The following COL22A1 variants were observed in gnomAD, a reference collection of about 807,000 sequenced individuals.
COL22A1 encodes the protein collagen type XXII alpha 1 chain.
A neutral mutation model predicts 248.9 loss-of-function variants in COL22A1; 221 were observed. The observed-to-expected ratio is 0.89, with a 90% CI of 0.80 to 0.99. COL22A1 has a LOEUF of 0.99. COL22A1 is among the 50% of genes least tolerant of loss of function. The pLI, the probability that COL22A1 is intolerant of heterozygous loss-of-function variation, is 0.00. For synonymous variants in COL22A1, 891 were observed against 793.4 expected, an observed-to-expected ratio of 1.12 and a Z score of -2.07; for missense variants, 2,240 against 2,179.0, an observed-to-expected ratio of 1.03 and a Z score of -0.56.
At chr8:138,709,847 C>T (rs1828802967) in intron 30 of COL22A1, among the ~76,000 whole-genome samples, 1 of 152,132 alleles carries the variant, frequency 6.6e-6, no homozygotes, top group South Asian at 2.1e-4. Flanking sequence ...ATGTGGTTTT[C>T]CTCTGATTGC....
rs575065122 is a variant in COL22A1, at chr8:138,674,755, G to A, written c.3150+1803C>T. ...GATGGGGGTGCCTCATTCAGGTTAC[G>A]GGTCTGCAGTTTCACTTACAACCCT... On this transcript the variant is annotated intron_variant, in intron 41 of 64. Transcript: ENST00000303045. Among the ~76,000 whole-genome samples the A allele has an allele frequency of 3.9e-5, 6 of 152,236 alleles. No individual in the cohort carries two copies. In the South Asian group the frequency reaches 1.0e-3, roughly 26 times the overall value.
intron 47 of COL22A1, among the ~76,000 whole-genome samples, chr8:138,637,159 G>C (rs995627944): frequency 6.6e-6 from 1 of 152,154 alleles, no homozygotes; most frequent in Non-Finnish European, 1.5e-5. Context: ...TTCTAGCTGT[G>C]GGTATAGTGT....
chr8:138,862,150 G>A (rs1822533750), intron 3 of COL22A1, among the ~76,000 whole-genome samples: 1 of 151,926 alleles, frequency 6.6e-6, no homozygotes, highest in South Asian at 2.1e-4. Context: ...CCCAGGAGGT[G>A]AAGGTTGCAG....
chr8:138,736,389 G>T (rs901423835), intron 23 of COL22A1, among the ~76,000 whole-genome samples: 1 of 152,034 alleles, frequency 6.6e-6, no homozygotes, highest in Non-Finnish European at 1.5e-5. Context: ...GTGGTACCCT[G>T]TGGGGGACCC....
chr8:138,691,731 AGT>A (rs1431663631), intron 35 of COL22A1, among the ~76,000 whole-genome samples: 4 of 42,036 alleles, frequency 9.5e-5, no homozygotes, highest in African/African-American at 3.6e-4. Context: ...TGTACATGTG[AGT>A]GTGCATGTTT....
chr8:138,690,717 A>T lies in COL22A1; in HGVS notation c.2808+104T>A, dbSNP rs1826775921. On this transcript the variant is annotated intron_variant, in intron 36 of 64. Coordinates refer to ENST00000303045, the MANE Select transcript of COL22A1 (RefSeq NM_152888.3). ...CTCCGTCTGGAAAATGGGAGTAAGG[A>T]TCCTCCCCTTACTCCCATGTATCCT... The T allele has an allele frequency of 2.4e-6, 2 of 838,368 alleles. 1 individual carries two copies. Among genetic ancestry groups the T allele is most frequent in the Middle Eastern group, 5.0e-4 (2 of 4,016 alleles). 51.9% of individuals were successfully genotyped at this position (838,368 alleles called of 1,614,324 possible).
chr8:138,824,431 C>T (rs534263426), intron 6 of COL22A1, among the ~76,000 whole-genome samples: 25 of 152,284 alleles, frequency 1.6e-4, no homozygotes, highest in African/African-American at 6.0e-4. Context: ...TCTATTACTG[C>T]CGGCATCCAC....
At chr8:138,601,324 A>G (rs188593912) in intron 60 of COL22A1, among the ~76,000 whole-genome samples, 479 of 152,214 alleles carry the variant, frequency 3.1e-3, no homozygotes, top group Non-Finnish European at 4.4e-3. Flanking sequence ...CTCTGCCCCC[A>G]CTTTTCTCAC....
intron 1 of COL22A1, among the ~76,000 whole-genome samples, chr8:138,889,569 G>C (rs1256807263): frequency 1.3e-5 from 2 of 152,096 alleles, no homozygotes; most frequent in Admixed American, 6.6e-5. Context: ...GTTGTGGGGT[G>C]GGGGGAGTGG....
intron 50 of COL22A1, among the ~76,000 whole-genome samples, chr8:138,630,183 C>T (rs1178251600): frequency 1.3e-5 from 2 of 152,162 alleles, no homozygotes; most frequent in Non-Finnish European, 2.9e-5. Context: ...GAGATAAAAG[C>T]CTTCGGTTCA....
intron 58 of COL22A1, among the ~76,000 whole-genome samples, chr8:138,605,286 G>A (rs1442797890): frequency 6.6e-6 from 1 of 152,208 alleles, no homozygotes; most frequent in Non-Finnish European, 1.5e-5. Flanking sequence ...AGGTGTCAAT[G>A]TGTTAGTTCT....
intron 22 of COL22A1, among the ~76,000 whole-genome samples, chr8:138,744,536 G>A (rs1051490631): frequency 3.3e-5 from 5 of 152,028 alleles, no homozygotes; most frequent in African/African-American, 1.2e-4. Context: ...AAAGAGGGTG[G>A]AGAATTCAGA....
In COL22A1 at chr8:138,660,493, G is replaced by A; in HGVS notation, c.3241-13C>T. 1 of 1,613,172 alleles carries A rather than the reference G, an allele frequency of 6.2e-7. No homozygotes were observed. Among genetic ancestry groups the A allele is most frequent in the South Asian group, 1.1e-5 (1 of 91,054 alleles). ...TTCCTGGTGCACCCTAAGAGAAGAA[G>A]GAAATAAAACATTAACTGTGATAAG... On this transcript the variant is annotated splice_polypyrimidine_tract_variant and intron_variant, in intron 43 of 64. Transcript: ENST00000303045.
chr8:138,835,713 G>A (rs562651173), intron 4 of COL22A1, among the ~76,000 whole-genome samples: 8 of 152,326 alleles, frequency 5.3e-5, no homozygotes, highest in Non-Finnish European at 8.8e-5. Flanking sequence ...CACCCAGCAC[G>A]TGGACCAGAT....
chr8:138,618,582 G>T (rs1392251268), intron 53 of COL22A1, among the ~76,000 whole-genome samples: 1 of 152,062 alleles, frequency 6.6e-6, no homozygotes, highest in Non-Finnish European at 1.5e-5. Context: ...GAAAAACAAG[G>T]GGATTTAAGA....
At chr8:138,730,817 A>T (rs115746849) in intron 23 of COL22A1, among the ~76,000 whole-genome samples, 1,636 of 151,796 alleles carry the variant, frequency 0.011, 16 homozygotes, top group African/African-American at 0.031. Flanking sequence ...GGGCCTGAAC[A>T]GAGGGGAGTG....
At chr8:138,699,748 C>T (rs991872558) in intron 32 of COL22A1, among the ~76,000 whole-genome samples, 7 of 152,196 alleles carry the variant, frequency 4.6e-5, no homozygotes, top group South Asian at 2.1e-4. Flanking sequence ...CCATGGGGAA[C>T]ATCTTTGCCT....
At chr8:138,726,718 G>T (rs4075073) in intron 23 of COL22A1, among the ~76,000 whole-genome samples, 60,791 of 151,434 alleles carry the variant, frequency 0.4, 12,501 homozygotes, top group African/African-American at 0.52. Flanking sequence ...ATAAAGGCCG[G>T]CTGCTGTTGA....
chr8:138,691,636 T>C (rs1374399320), intron 35 of COL22A1, among the ~76,000 whole-genome samples: 19 of 151,514 alleles, frequency 1.3e-4, no homozygotes, highest in Admixed American at 7.2e-4. Flanking sequence ...GAGGTGTATG[T>C]GTGCACGTGC....
Sources: allele counts gnomAD v4.1 joint callset (sites outside exome capture counted in the v4.1 genomes callset), GRCh38; gene constraint gnomAD v4.1.1; transcripts MANE v1.5; gene names NCBI Gene and HGNC (gene_info 2026-07-23, HGNC 2026-07-21).